RREB1: variants seen among roughly 807,000 people sequenced by gnomAD.
RREB1 encodes the protein ras-responsive element-binding protein 1.
A neutral mutation model predicts 117.8 loss-of-function variants in RREB1; 27 were observed. The observed-to-expected ratio is 0.23, with a 90% confidence interval of 0.17 to 0.32. RREB1 has a LOEUF of 0.32. Ranked by LOEUF, RREB1 falls within the 10% of genes least tolerant of loss-of-function variation. The pLI is 1.00. For synonymous variants in RREB1, 1,298 were observed against 1,026.7 expected, an observed-to-expected ratio of 1.26 and a Z score of -5.05; for missense variants, 2,577 against 2,378.2, an observed-to-expected ratio of 1.08 and a Z score of -1.74.
At chr6:7,170,955 C>G (rs1168220215) in intron 1 of RREB1, among the ~76,000 whole-genome samples, 1 of 152,084 alleles carries the variant, frequency 6.6e-6, no homozygotes, top group East Asian at 1.9e-4. Flanking sequence ...GTTTCTGACT[C>G]GGTAGGTCTG....
At chr6:7,138,751 A>T (rs758570668) in intron 1 of RREB1, among the ~76,000 whole-genome samples, 9 of 152,232 alleles carry the variant, frequency 5.9e-5, no homozygotes, top group Non-Finnish European at 4.4e-5. Context: ...GACAAAAGTG[A>T]CATGAATATG....
intron 1 of RREB1, among the ~76,000 whole-genome samples, chr6:7,125,735 C>G (rs1761876129): frequency 6.6e-6 from 1 of 152,052 alleles, no homozygotes; most frequent in Non-Finnish European, 1.5e-5. Context: ...TGGCAGTGCT[C>G]AAGTGTGATA....
chr6:7,146,820 C>T (rs1416462914), intron 1 of RREB1, among the ~76,000 whole-genome samples: 1 of 150,666 alleles, frequency 6.6e-6, no homozygotes, highest in Non-Finnish European at 1.5e-5. Flanking sequence ...AAAAGGAGCT[C>T]TTTTTCCTTC....
chr6:7,210,843 A>C lies in RREB1; in HGVS notation c.465A>C (p.Thr155=), dbSNP rs754134336. 95 of 1,613,972 alleles carry C rather than the reference A, an allele frequency of 5.9e-5. No homozygotes were observed. Among genetic ancestry groups the C allele is most frequent in the Non-Finnish European group, 7.9e-5 (93 of 1,179,918 alleles). Residue 155 remains threonine, a synonymous_variant, in exon 7 of 13, where the codon ACA becomes ACC. Coordinates refer to ENST00000379938, the MANE Select transcript of RREB1 (RefSeq NM_001003699.4). ...ATGAGAAGGACCCTAACAGTGCCACAGCCACAGCCCCTCCATCTCCTCTGA... is the reference window on the plus strand; with the variant it reads ...ATGAGAAGGACCCTAACAGTGCCACCGCCACAGCCCCTCCATCTCCTCTGA... ...KIHEKDPNSA[T]ATAPPSPLKR...
At chr6:7,157,328 G>A (rs1368814210) in intron 1 of RREB1, among the ~76,000 whole-genome samples, 1 of 151,996 alleles carries the variant, frequency 6.6e-6, no homozygotes, top group Non-Finnish European at 1.5e-5. Flanking sequence ...CAGCCACTTA[G>A]GAGGCTGAGG....
chr6:7,208,535 G>A (rs1008993263), intron 6 of RREB1, among the ~76,000 whole-genome samples: 3 of 152,240 alleles, frequency 2.0e-5, no homozygotes, highest in African/African-American at 7.2e-5. Flanking sequence ...CTGAAATGGA[G>A]CGGTGCTTGT....
At chr6:7,123,409 G>A (rs1038722676) in intron 1 of RREB1, among the ~76,000 whole-genome samples, 3 of 152,236 alleles carry the variant, frequency 2.0e-5, no homozygotes, top group East Asian at 1.9e-4. Flanking sequence ...CAGTCCGCCC[G>A]TCTCAGCCTC....
chr6:7,239,454 C>G (rs1044771853), intron 10 of RREB1, among the ~76,000 whole-genome samples: 2 of 152,196 alleles, frequency 1.3e-5, no homozygotes, highest in African/African-American at 4.8e-5. Flanking sequence ...TTCTTTCTCC[C>G]TCACATGCAT....
chr6:7,112,526 C>T (rs1404143679), intron 1 of RREB1, among the ~76,000 whole-genome samples: 2 of 152,108 alleles, frequency 1.3e-5, no homozygotes, highest in Non-Finnish European at 2.9e-5. Flanking sequence ...TGGCAGTTTT[C>T]AAAGAGCAAG....
chr6:7,133,266 G>A (rs1336389421), intron 1 of RREB1, among the ~76,000 whole-genome samples: 1 of 152,158 alleles, frequency 6.6e-6, no homozygotes, highest in Non-Finnish European at 1.5e-5. Flanking sequence ...TTAGACATCA[G>A]CTCACCCTGC....
At chr6:7,209,572 CTTTTTTTT>C (rs397961662) in intron 6 of RREB1, among the ~76,000 whole-genome samples, 4 of 129,336 alleles carry the variant, frequency 3.1e-5, no homozygotes, top group Admixed American at 2.3e-4. Context: ...TATTTCTTTC[CTTTTTTTT>C]TTTTTTTTTT....
intron 8 of RREB1, chr6:7,214,550 C>G (rs1003233485): frequency 5.9e-5 from 9 of 152,344 alleles, no homozygotes; most frequent in African/African-American, 2.2e-4. Context: ...CTTTGCTCCT[C>G]TCTGCTCTGC....
intron 10 of RREB1, among the ~76,000 whole-genome samples, chr6:7,232,637 G>A (rs374462371): frequency 2.0e-5 from 3 of 151,934 alleles, no homozygotes; most frequent in African/African-American, 7.3e-5. Context: ...AGCCCCCTAC[G>A]ACTGCTCCAT....
chr6:7,231,962 C>T, intron 10 of RREB1, 55 bp downstream of exon 10: 1 of 1,503,182 alleles, frequency 6.7e-7, no homozygotes, highest in Non-Finnish European at 9.0e-7. Context: ...GTAGGGGGAG[C>T]CACGAGTGGG....
At chr6:7,124,183 G>A (rs533909335) in intron 1 of RREB1, among the ~76,000 whole-genome samples, 6 of 152,232 alleles carry the variant, frequency 3.9e-5, no homozygotes, top group South Asian at 4.1e-4. Flanking sequence ...TGGCAAACAC[G>A]GTGGCCTGTG....
At chr6:7,177,734 G>C (rs1764577203) in intron 2 of RREB1, among the ~76,000 whole-genome samples, 1 of 151,664 alleles carries the variant, frequency 6.6e-6, no homozygotes, top group African/African-American at 2.4e-5. Flanking sequence ...TGTCTTTCTT[G>C]TCTTTCTTGA....
chr6:7,227,143 G>A (rs1561792149), intron 9 of RREB1, among the ~76,000 whole-genome samples: 1 of 152,092 alleles, frequency 6.6e-6, no homozygotes, highest in African/African-American at 2.4e-5. Flanking sequence ...TTGGGAGGCT[G>A]AGGTGGGAGG....
intron 1 of RREB1, among the ~76,000 whole-genome samples, chr6:7,149,977 C>T (rs1763041960): frequency 6.6e-6 from 1 of 151,142 alleles, no homozygotes; most frequent in African/African-American, 2.4e-5. Flanking sequence ...GCGTGGGCCA[C>T]TGCGCCTGGC....
intron 2 of RREB1, among the ~76,000 whole-genome samples, chr6:7,177,242 AG>A (rs1385663591): frequency 5.4e-5 from 8 of 147,948 alleles, no homozygotes; most frequent in South Asian, 4.3e-4. Flanking sequence ...AAAAAAAAAA[AG>A]GAGGAAAGAA....
Sources: allele counts gnomAD v4.1 joint callset (sites outside exome capture counted in the v4.1 genomes callset), GRCh38; gene constraint gnomAD v4.1.1; transcripts MANE v1.5; gene names NCBI Gene and HGNC (gene_info 2026-07-23, HGNC 2026-07-21).